Variants in FCRL2 observed in about 807,000 individuals in gnomAD.
The protein encoded by FCRL2 is Fc receptor like 2, also known as Fc receptor-like protein 2.
Under a neutral mutation model 59.8 loss-of-function variants are expected in FCRL2, and 48 were observed. The observed-to-expected ratio is 0.80, with a 90% CI of 0.64 to 1.02. The LOEUF (loss-of-function observed/expected upper bound fraction) is 1.02. FCRL2 is among the 50% of genes least tolerant of loss of function. The pLI is 0.00. For missense variants in FCRL2, 658 were observed against 597.3 expected (o/e 1.10, Z -1.06); for synonymous variants, 251 against 229.5 (o/e 1.09, Z -0.85).
intron 7 of FCRL2, among the ~76,000 whole-genome samples, chr1:157,759,140 T>C (rs1648829676): frequency 6.6e-6 from 1 of 152,064 alleles, no homozygotes. Flanking sequence ...GATCTGATGG[T>C]TTTTTTCCCA....
chr1:157,767,802 A>T (rs905526330), intron 5 of FCRL2: 2 of 938,860 alleles, frequency 2.1e-6, no homozygotes, highest in Non-Finnish European at 2.9e-6. Flanking sequence ...TTTGTATCCT[A>T]TAATTTTTTA....
chr1:157,763,314 C>T (rs1050827646), intron 7 of FCRL2, among the ~76,000 whole-genome samples: 3 of 151,270 alleles, frequency 2.0e-5, no homozygotes, highest in Non-Finnish European at 4.4e-5. Flanking sequence ...TTTGAGGTCA[C>T]GAGTTTGAGA....
intron 8 of FCRL2, among the ~76,000 whole-genome samples, chr1:157,749,283 C>T (rs72708402): frequency 0.16 from 24,822 of 152,026 alleles, 2,042 homozygotes; most frequent in East Asian, 0.23. Flanking sequence ...ACATATACTA[C>T]ATACCTATAG....
chr1:157,754,183 G>A (rs552665853), intron 7 of FCRL2, among the ~76,000 whole-genome samples: 8 of 152,098 alleles, frequency 5.3e-5, no homozygotes, highest in Non-Finnish European at 1.2e-4. Context: ...CTAAGTCACA[G>A]GATGAAATAG....
chr1:157,768,788 T>C (rs1649744655), intron 4 of FCRL2, 87 bp from the exon 5 acceptor site: 7 of 1,280,168 alleles, frequency 5.5e-6, no homozygotes, highest in Non-Finnish European at 7.5e-6. Flanking sequence ...ATGCAAAATG[T>C]GGGAATGTGG....
intron 7 of FCRL2, among the ~76,000 whole-genome samples, chr1:157,753,824 A>T (rs574453447): frequency 6.6e-6 from 1 of 152,306 alleles, no homozygotes; most frequent in African/African-American, 2.4e-5. Flanking sequence ...GAGTCATCTC[A>T]TTAGCATACC....
At chr1:157,757,546 G>A (rs1247474441) in intron 7 of FCRL2, among the ~76,000 whole-genome samples, 2 of 152,148 alleles carry the variant, frequency 1.3e-5, no homozygotes, top group African/African-American at 4.8e-5. Context: ...TACACAAGAA[G>A]AATTCGTGTG....
chr1:157,759,771 G>A (rs1648882112), intron 7 of FCRL2, among the ~76,000 whole-genome samples: 1 of 152,132 alleles, frequency 6.6e-6, no homozygotes, highest in African/African-American at 2.4e-5. Context: ...AGTCCGAATG[G>A]CTATTAAAAA....
intron 7 of FCRL2, 129 bp downstream of exon 7, chr1:157,766,726 T>A (rs1238664613): frequency 6.8e-7 from 1 of 1,467,868 alleles, no homozygotes; most frequent in Non-Finnish European, 9.1e-7. Context: ...TGCAGAATTA[T>A]GAAGCATAAA....
In FCRL2 at chr1:157,769,258, A is replaced by G. The variant is rs1009429618; in HGVS notation, c.596-557T>C. 11 of 155,596 alleles carry G rather than the reference A, an allele frequency of 7.1e-5. No homozygotes were observed. The South Asian group carries it at 1.4e-3, about 20-fold the overall frequency. The allele number at this position is 155,596 out of a possible 1,614,324, so 9.6% of individuals were successfully genotyped here. ...TAGACAGCAGGTGGTTTGCCTTTTG[A>G]AGTGTCCCACCCACTACTAAATGCC... On this transcript the variant is annotated intron_variant, in intron 4 of 11. Coordinates refer to ENST00000361516, the MANE Select transcript of FCRL2 (RefSeq NM_030764.4).
intron 7 of FCRL2, among the ~76,000 whole-genome samples, chr1:157,753,667 G>A (rs2101680951): frequency 6.6e-6 from 1 of 152,282 alleles, no homozygotes; most frequent in African/African-American, 2.4e-5. Flanking sequence ...TAAATCATTG[G>A]CAATTGGTGG....
intron 2 of FCRL2, 84 bp from the exon 3 acceptor site, chr1:157,770,750 A>G (rs778715545): frequency 1.7e-5 from 24 of 1,446,256 alleles, no homozygotes; most frequent in Non-Finnish European, 2.3e-5. Flanking sequence ...GGTCTCAGGC[A>G]TAGCCTCTAC....
chr1:157,776,059 C>A (rs1409348020), intron 1 of FCRL2, among the ~76,000 whole-genome samples: 1 of 152,130 alleles, frequency 6.6e-6, no homozygotes, highest in Non-Finnish European at 1.5e-5. Context: ...TAGTGACTCT[C>A]CTTGATTTCA....
chr1:157,751,950 G>A (rs1050270466), intron 7 of FCRL2, among the ~76,000 whole-genome samples: 2 of 152,064 alleles, frequency 1.3e-5, no homozygotes, highest in Middle Eastern at 3.2e-3. Context: ...TGCCAGCCAT[G>A]GGGGTTTCAA....
intron 7 of FCRL2, among the ~76,000 whole-genome samples, chr1:157,759,612 A>G (rs1310020285): frequency 1.3e-5 from 2 of 152,218 alleles, no homozygotes; most frequent in Non-Finnish European, 2.9e-5. Flanking sequence ...AAAACCAAAC[A>G]ACACTATTTA....
intron 7 of FCRL2, among the ~76,000 whole-genome samples, chr1:157,755,094 A>T (rs554162683): frequency 7.3e-4 from 111 of 152,304 alleles, no homozygotes; most frequent in Middle Eastern, 3.4e-3. Context: ...AGACCACATA[A>T]CAATAATTAT....
At position 157,746,609 on chromosome 1, in the gene FCRL2, G is replaced by T. The variant is rs964456165; in HGVS notation, c.*127C>A. On this transcript the variant is annotated 3_prime_UTR_variant, in exon 12 of 12. Coordinates refer to ENST00000361516, the MANE Select transcript of FCRL2 (RefSeq NM_030764.4). ...CATCATCAGGACAAAAATGACAGGAGGTGCCTCCTGAGGCACGTTCTGGCT... is the reference window on the plus strand; with the variant it reads ...CATCATCAGGACAAAAATGACAGGATGTGCCTCCTGAGGCACGTTCTGGCT... 16 of 792,118 alleles carry T rather than the reference G, an allele frequency of 2.0e-5. 1 individual carries two copies. Among genetic ancestry groups the T allele is most frequent in the Middle Eastern group, 3.2e-4 (1 of 3,092 alleles). 49.1% of individuals were successfully genotyped at this position (792,118 alleles called of 1,614,324 possible). A position where few individuals can be genotyped will look rare whatever the true frequency, so the allele number is the denominator to read the frequency against.
intron 7 of FCRL2, among the ~76,000 whole-genome samples, chr1:157,762,979 A>G (rs1185741967): frequency 1.3e-5 from 2 of 152,226 alleles, no homozygotes; most frequent in Non-Finnish European, 2.9e-5. Flanking sequence ...AATACTTACC[A>G]TCATGAAAAT....
At position 157,770,161 on chromosome 1, in the gene FCRL2, G is replaced by A; in HGVS notation, c.311-11C>T. On this transcript the variant is annotated splice_polypyrimidine_tract_variant and intron_variant, in intron 3 of 11. Transcript: ENST00000361516. Reference sequence around the variant, plus strand: ...GACGTTGAAAGAGCTCTAGAGAGAAGGATCACAATAGTCCCCAAAGCAGTG... The same window carrying A: ...GACGTTGAAAGAGCTCTAGAGAGAAAGATCACAATAGTCCCCAAAGCAGTG... The A allele has an allele frequency of 6.2e-7, 1 of 1,609,718 alleles. No homozygotes were observed. Among genetic ancestry groups the A allele is most frequent in the Non-Finnish European group, 8.5e-7 (1 of 1,177,244 alleles).
Sources: allele counts gnomAD v4.1 joint callset (sites outside exome capture counted in the v4.1 genomes callset), GRCh38; gene constraint gnomAD v4.1.1; transcripts MANE v1.5; gene names NCBI Gene and HGNC (gene_info 2026-07-23, HGNC 2026-07-21).